RSBN1L: variants seen among roughly 807,000 people sequenced by gnomAD.
RSBN1L encodes the protein round spermatid basic protein 1 like, also known as lysine-specific demethylase RSBN1L.
Under a neutral mutation model 67.7 loss-of-function variants are expected in RSBN1L, and 30 were observed. The observed-to-expected ratio is 0.44, with a 90% CI of 0.33 to 0.60. The LOEUF is 0.60. RSBN1L is among the 20% of genes least tolerant of loss of function. RSBN1L has a pLI of 0.02. For synonymous variants in RSBN1L, 433 were observed against 387.0 expected (o/e 1.12, Z -1.39); for missense variants, 992 against 1,031.7 (o/e 0.96, Z 0.53).
At position 77,696,761 on chromosome 7, in the gene RSBN1L, T is replaced by A. The variant is rs759558149; in HGVS notation, c.292T>A (p.Ser98Thr). 1 of 1,613,798 alleles carries A rather than the reference T, an allele frequency of 6.2e-7. No homozygotes were observed. Among genetic ancestry groups the A allele is most frequent in the South Asian group, 1.1e-5 (1 of 91,086 alleles). The change falls in exon 1 of 8, where the codon TCC becomes ACC. Residue 98 changes from serine to threonine, a missense_variant. By Grantham distance (58) the Ser-to-Thr change is moderately conservative. This residue lies in a region of RSBN1L where 575 missense variants were observed against 483.2 expected (regional missense o/e 1.19). Coordinates refer to ENST00000334955, the MANE Select transcript of RSBN1L (RefSeq NM_198467.3). ...CCCTCTGTCTGCTGCTCCCTCCCCG[T>A]CCTCTTCTCGGAGCAGTTTCTCTTT... ...FAPLSAAPSP[S>T]SSRSSFSFSA...
intron 1 of RSBN1L, 97 bp downstream of exon 1, chr7:77,697,152 G>A (rs1254290544): frequency 7.9e-7 from 1 of 1,264,860 alleles, no homozygotes; most frequent in Middle Eastern, 3.0e-4. Context: ...CGGCGGCCGC[G>A]TGCGCCGGCC....
At chr7:77,740,278 C>G (rs1791391393) in intron 2 of RSBN1L, among the ~76,000 whole-genome samples, 1 of 151,996 alleles carries the variant, frequency 6.6e-6, no homozygotes, top group Non-Finnish European at 1.5e-5. Context: ...GCATTATGTT[C>G]CAGGCATTTT....
intron 1 of RSBN1L, among the ~76,000 whole-genome samples, chr7:77,706,186 C>T (rs972340185): frequency 6.6e-6 from 1 of 151,938 alleles, no homozygotes; most frequent in African/African-American, 2.4e-5. Flanking sequence ...AAGCGATTCT[C>T]CTGCCTCGGC....
intron 3 of RSBN1L, among the ~76,000 whole-genome samples, chr7:77,755,621 C>T (rs542031859): frequency 2.6e-5 from 4 of 152,136 alleles, no homozygotes; most frequent in Non-Finnish European, 4.4e-5. Context: ...GAACCGAGAT[C>T]GCGCCATTGC....
chr7:77,756,910 C>T lies in RSBN1L; in HGVS notation c.1344+6846C>T, dbSNP rs772974369. 9.9e-5 allele frequency among the ~76,000 whole-genome samples: 15 copies of T among 152,152 alleles called. No homozygotes were observed. The East Asian group carries it at 1.2e-3, about 12-fold the overall frequency. The stretch of plus-strand genomic sequence containing the variant: ...TTTTCTTATATAATGATAGAAGCTG[C>T]GCACTGCAGCCATTCAGTGATGTGA... On this transcript the variant is annotated intron_variant, in intron 3 of 7. Coordinates refer to ENST00000334955, the MANE Select transcript of RSBN1L (RefSeq NM_198467.3).
intron 2 of RSBN1L, among the ~76,000 whole-genome samples, chr7:77,740,048 G>A (rs933071676): frequency 1.3e-5 from 2 of 151,710 alleles, no homozygotes; most frequent in Non-Finnish European, 2.9e-5. Context: ...CACTGCGTCC[G>A]GCCTGTCAAG....
At chr7:77,705,964 G>A (rs909525831) in intron 1 of RSBN1L, among the ~76,000 whole-genome samples, 4 of 151,680 alleles carry the variant, frequency 2.6e-5, no homozygotes, top group Non-Finnish European at 4.4e-5. Flanking sequence ...GCTGTGATGT[G>A]ATCTTGGTTC....
chr7:77,773,601 A>G (rs1168140772), intron 6 of RSBN1L, among the ~76,000 whole-genome samples: 3 of 152,142 alleles, frequency 2.0e-5, no homozygotes, highest in African/African-American at 7.2e-5. Flanking sequence ...CGTCTGTACT[A>G]AAAATACAAA....
chr7:77,763,158 T>C (rs1170552771), intron 3 of RSBN1L, among the ~76,000 whole-genome samples: 1 of 149,666 alleles, frequency 6.7e-6, no homozygotes, highest in Non-Finnish European at 1.5e-5. Flanking sequence ...ACTTTTTTTT[T>C]TTTTTTTTTT....
chr7:77,753,869 A>G (rs921632015), intron 3 of RSBN1L, among the ~76,000 whole-genome samples: 2 of 152,216 alleles, frequency 1.3e-5, no homozygotes, highest in Admixed American at 6.5e-5. Context: ...GTTTTTCCAT[A>G]TAAATATATC....
intron 2 of RSBN1L, among the ~76,000 whole-genome samples, chr7:77,736,958 A>AT (rs1415755379): frequency 2.0e-5 from 3 of 152,052 alleles, no homozygotes; most frequent in Non-Finnish European, 4.4e-5. Flanking sequence ...TAGAGGGAAC[A>AT]TTTTACTCTG....
At chr7:77,730,602 G>GTC (rs1791260870) in intron 1 of RSBN1L, among the ~76,000 whole-genome samples, 1 of 152,102 alleles carries the variant, frequency 6.6e-6, no homozygotes, top group Non-Finnish European at 1.5e-5. Context: ...TTTATTTAAA[G>GTC]TCTCCGTAGT....
intron 3 of RSBN1L, among the ~76,000 whole-genome samples, chr7:77,757,551 A>G (rs576819781): frequency 4.9e-4 from 74 of 152,378 alleles, no homozygotes; most frequent in Admixed American, 1.2e-3. Context: ...TGTATAAACA[A>G]AAGCCTCAAA....
chr7:77,724,506 A>G (rs1358941176), intron 1 of RSBN1L, among the ~76,000 whole-genome samples: 3 of 150,986 alleles, frequency 2.0e-5, no homozygotes, highest in Non-Finnish European at 4.4e-5. Flanking sequence ...GTTCACTGCA[A>G]CCTGTGCCTC....
intron 1 of RSBN1L, among the ~76,000 whole-genome samples, chr7:77,708,582 C>T (rs1012659291): frequency 9.2e-5 from 14 of 151,928 alleles, no homozygotes; most frequent in South Asian, 6.2e-4. Context: ...CGGGGTTTCA[C>T]GGTGTTAGCC....
chr7:77,696,770 C>T lies in RSBN1L; in HGVS notation c.301C>T (p.Arg101Trp), dbSNP rs1004045312. Residue 101 changes from arginine to tryptophan, a missense_variant, in exon 1 of 8, where the codon CGG (arginine) becomes TGG (tryptophan). By Grantham distance (101) the Arg-to-Trp change is moderately radical. This residue lies in a region of RSBN1L where 575 missense variants were observed against 483.2 expected (regional missense o/e 1.19). Coordinates refer to ENST00000334955, the MANE Select transcript of RSBN1L (RefSeq NM_198467.3). ...LSAAPSPSSS[R>W]SSFSFSAGTA... ...TGCTGCTCCCTCCCCGTCCTCTTCT[C>T]GGAGCAGTTTCTCTTTCTCCGCTGG... The T allele has an allele frequency of 2.5e-6, 4 of 1,613,742 alleles. No individual in the cohort carries two copies. Among genetic ancestry groups the T allele is most frequent in the East Asian group, 2.2e-5 (1 of 44,900 alleles).
chr7:77,750,307 T>G (rs1584295299), intron 3 of RSBN1L, among the ~76,000 whole-genome samples: 1 of 145,394 alleles, frequency 6.9e-6, no homozygotes, highest in African/African-American at 2.5e-5. Flanking sequence ...TTTTTTTTTT[T>G]TTTTTTTTTT....
chr7:77,715,045 G>A (rs965259291), intron 1 of RSBN1L, among the ~76,000 whole-genome samples: 2 of 151,938 alleles, frequency 1.3e-5, no homozygotes, highest in African/African-American at 4.8e-5. Context: ...GCTGATATGG[G>A]CAGGTCACCT....
chr7:77,731,277 G>C (rs1370925222), intron 1 of RSBN1L, among the ~76,000 whole-genome samples: 1 of 151,936 alleles, frequency 6.6e-6, no homozygotes, highest in African/African-American at 2.4e-5. Context: ...GCAGTGGCAC[G>C]ATCTCTGCTC....
Sources: gnomAD v4.1 joint callset for allele counts (sites outside exome capture counted in the v4.1 genomes callset) on GRCh38, gnomAD v4.1.1 for gene constraint, gnomAD v4.1.1 regional missense constraint, MANE v1.5 for transcripts, NCBI Gene and HGNC (gene_info 2026-07-23, HGNC 2026-07-21) for gene names.